The following PDZRN3 variants were observed in gnomAD, a reference collection of about 807,000 sequenced individuals.
The protein encoded by PDZRN3 is PDZ domain containing ring finger 3.
Under a neutral mutation model 85.7 loss-of-function variants are expected in PDZRN3, and 38 were observed. The ratio of observed to expected loss-of-function variants is 0.44; its 90% CI spans 0.34 to 0.58. PDZRN3 has a LOEUF of 0.58. Ranked by LOEUF, PDZRN3 falls within the 20% of genes least tolerant of loss-of-function variation. PDZRN3 has a pLI of 0.01. For synonymous variants in PDZRN3, 759 were observed against 638.0 expected (o/e 1.19, Z -2.86); for missense variants, 1,629 against 1,506.4 (o/e 1.08, Z -1.35).
intron 3 of PDZRN3, among the ~76,000 whole-genome samples, chr3:73,501,147 T>C (rs1397976929): frequency 1.3e-5 from 2 of 152,238 alleles, no homozygotes; most frequent in South Asian, 2.1e-4. Flanking sequence ...CCATAATTAA[T>C]GAACCTGATT....
At chr3:73,415,567 A>G (rs927623328) in intron 3 of PDZRN3, among the ~76,000 whole-genome samples, 1 of 152,192 alleles carries the variant, frequency 6.6e-6, no homozygotes, top group African/African-American at 2.4e-5. Flanking sequence ...ATACATATTT[A>G]ATAGAAACTG....
intron 3 of PDZRN3, among the ~76,000 whole-genome samples, chr3:73,511,951 C>G (rs971564113): frequency 5.3e-5 from 8 of 152,214 alleles, no homozygotes; most frequent in African/African-American, 1.7e-4. Flanking sequence ...AGAAAGTAAA[C>G]TTCTGATTGG....
At chr3:73,396,089 G>A (rs983940913) in intron 5 of PDZRN3, among the ~76,000 whole-genome samples, 1 of 152,160 alleles carries the variant, frequency 6.6e-6, no homozygotes, top group African/African-American at 2.4e-5. Flanking sequence ...CAGGTATGGT[G>A]GCACATACCT....
chr3:73,467,060 G>A (rs1703234672), intron 3 of PDZRN3, among the ~76,000 whole-genome samples: 1 of 152,156 alleles, frequency 6.6e-6, no homozygotes, highest in Non-Finnish European at 1.5e-5. Flanking sequence ...TCTAGGGACT[G>A]TCATCAGACC....
chr3:73,440,764 G>A (rs1331219670), intron 3 of PDZRN3, among the ~76,000 whole-genome samples: 1 of 152,238 alleles, frequency 6.6e-6, no homozygotes, highest in Non-Finnish European at 1.5e-5. Context: ...GATGGGACAG[G>A]GAAGTGTAGA....
intron 3 of PDZRN3, among the ~76,000 whole-genome samples, chr3:73,534,419 T>G (rs1272338790): frequency 2.6e-5 from 4 of 152,262 alleles, no homozygotes; most frequent in Non-Finnish European, 4.4e-5. Context: ...GGGACATCCC[T>G]ACATCTTTGG....
chr3:73,532,828 T>A (rs1486829982), intron 3 of PDZRN3, among the ~76,000 whole-genome samples: 13 of 152,220 alleles, frequency 8.5e-5, no homozygotes, highest in Admixed American at 8.5e-4. Context: ...AGAGGGTCAA[T>A]GGTCTATTGT....
chr3:73,612,499 C>G (rs112420650), intron 1 of PDZRN3, among the ~76,000 whole-genome samples: 1,572 of 152,172 alleles, frequency 0.01, 21 homozygotes, highest in African/African-American at 0.036. Flanking sequence ...TCTATTATAC[C>G]CTGAAAAGTA....
intron 3 of PDZRN3, among the ~76,000 whole-genome samples, chr3:73,536,125 A>G (rs1456336511): frequency 1.3e-5 from 2 of 152,234 alleles, no homozygotes; most frequent in Non-Finnish European, 2.9e-5. Flanking sequence ...AATAAATACA[A>G]AGGTCTCTGC....
chr3:73,564,324 T>A (rs1701899623), intron 3 of PDZRN3, among the ~76,000 whole-genome samples: 1 of 152,182 alleles, frequency 6.6e-6, no homozygotes, highest in Admixed American at 6.5e-5. Flanking sequence ...TGTGTCCTAG[T>A]CTCACCTTTT....
chr3:73,602,910 G>C (rs539801897), intron 2 of PDZRN3, among the ~76,000 whole-genome samples: 19 of 152,274 alleles, frequency 1.2e-4, no homozygotes, highest in South Asian at 6.2e-4. Flanking sequence ...TAAAGTGACT[G>C]AACAGTATCC....
chr3:73,426,735 C>T (rs1702323314), intron 3 of PDZRN3, among the ~76,000 whole-genome samples: 1 of 152,162 alleles, frequency 6.6e-6, no homozygotes, highest in African/African-American at 2.4e-5. Context: ...ACCTGGAGCC[C>T]TTGTGAAACA....
intron 3 of PDZRN3, among the ~76,000 whole-genome samples, chr3:73,532,293 G>A (rs868823109): frequency 8.5e-5 from 13 of 152,050 alleles, no homozygotes; most frequent in Admixed American, 6.5e-4. Flanking sequence ...GAGGTACGAC[G>A]CCCAGCCAAA....
intron 3 of PDZRN3, among the ~76,000 whole-genome samples, chr3:73,524,503 T>C (rs1167404572): frequency 6.6e-6 from 1 of 152,234 alleles, no homozygotes; most frequent in African/African-American, 2.4e-5. Flanking sequence ...GGGCCACTTA[T>C]CACAGGCTGC....
At chr3:73,539,340 A>G (rs1185848201) in intron 3 of PDZRN3, among the ~76,000 whole-genome samples, 1 of 152,194 alleles carries the variant, frequency 6.6e-6, no homozygotes, top group Non-Finnish European at 1.5e-5. Flanking sequence ...ATTAGAGACA[A>G]TCAGTTGAAA....
At chr3:73,515,713 C>T (rs1459969834) in intron 3 of PDZRN3, among the ~76,000 whole-genome samples, 1 of 152,128 alleles carries the variant, frequency 6.6e-6, no homozygotes, top group African/African-American at 2.4e-5. Context: ...TAGCTCTGGA[C>T]AATTATATTG....
chr3:73,602,488 T>C lies in PDZRN3; in HGVS notation c.811-27A>G, dbSNP rs1198973985. ...TTTGGGTTAAAAAAAAAAACATGCA[T>C]GAATGCTAGGCATTAAGTTGAGCAT... On this transcript the variant is annotated intron_variant, in intron 2 of 9. Transcript: ENST00000263666. 4.5e-6 allele frequency: 5 copies of C among 1,099,398 alleles called. No homozygotes were observed. The African/African-American group carries it at 7.7e-5, about 17-fold the overall frequency. The allele number at this position is 1,099,398 out of a possible 1,614,324, so 68.1% of individuals were successfully genotyped here.
intron 3 of PDZRN3, among the ~76,000 whole-genome samples, chr3:73,554,836 G>A (rs779375906): frequency 5.3e-5 from 8 of 152,198 alleles, no homozygotes; most frequent in Non-Finnish European, 7.3e-5. Context: ...AAAACGTGTT[G>A]CTTTTACATC....
intron 3 of PDZRN3, among the ~76,000 whole-genome samples, chr3:73,425,763 C>T (rs1015707469): frequency 7.2e-5 from 11 of 152,050 alleles, no homozygotes; most frequent in East Asian, 3.8e-4. Context: ...ACAAAAAAAT[C>T]GACTTCTAGA....
Sources: allele counts gnomAD v4.1 joint callset (sites outside exome capture counted in the v4.1 genomes callset), GRCh38; gene constraint gnomAD v4.1.1; transcripts MANE v1.5; gene names NCBI Gene and HGNC (gene_info 2026-07-23, HGNC 2026-07-21).